AATF: variants seen among roughly 807,000 people sequenced by gnomAD.
AATF encodes the protein protein AATF.
Under a neutral mutation model 63.7 loss-of-function variants are expected in AATF, and 48 were observed. The ratio of observed to expected loss-of-function variants is 0.75; its 90% CI spans 0.60 to 0.96. The LOEUF is 0.96. AATF is among the 40% of genes least tolerant of loss of function. AATF has a pLI of 0.00. For missense variants in AATF, 639 were observed against 685.7 expected (o/e 0.93, Z 0.76); for synonymous variants, 258 against 247.7 (o/e 1.04, Z -0.39).
At chr17:37,013,203 G>T (rs2071404911) in intron 8 of AATF, among the ~76,000 whole-genome samples, 1 of 152,194 alleles carries the variant, frequency 6.6e-6, no homozygotes, top group Admixed American at 6.5e-5. Flanking sequence ...CAAATGGCCA[G>T]TAAGCACAGG....
chr17:37,007,091 G>T (rs1424673851), intron 8 of AATF, among the ~76,000 whole-genome samples: 1 of 152,110 alleles, frequency 6.6e-6, no homozygotes, highest in Non-Finnish European at 1.5e-5. Context: ...TCTTCCCTGT[G>T]TCATTCTGTA....
chr17:37,001,549 A>G (rs183001492), intron 8 of AATF, among the ~76,000 whole-genome samples: 1 of 152,306 alleles, frequency 6.6e-6, no homozygotes, highest in East Asian at 1.9e-4. Context: ...TCAAGAATCA[A>G]TTAATGTATT....
intron 8 of AATF, among the ~76,000 whole-genome samples, chr17:37,000,729 C>G (rs879281378): frequency 2.0e-5 from 3 of 152,014 alleles, no homozygotes; most frequent in Non-Finnish European, 4.4e-5. Context: ...CTGGAACATT[C>G]AAATATTTAT....
intron 10 of AATF, among the ~76,000 whole-genome samples, chr17:37,025,339 T>C (rs2071503042): frequency 6.6e-6 from 1 of 152,210 alleles, no homozygotes; most frequent in Non-Finnish European, 1.5e-5. Flanking sequence ...TATTTATTAG[T>C]TGATAGTTTG....
chr17:37,003,196 CAGA>C (rs1440317766), intron 8 of AATF, among the ~76,000 whole-genome samples: 1 of 152,042 alleles, frequency 6.6e-6, no homozygotes, highest in Non-Finnish European at 1.5e-5. Context: ...ATTCAGTGGG[CAGA>C]AGAACAGTTT....
chr17:37,009,519 C>T (rs2071369098), intron 8 of AATF, among the ~76,000 whole-genome samples: 1 of 151,812 alleles, frequency 6.6e-6, no homozygotes, highest in African/African-American at 2.4e-5. Flanking sequence ...TAATTCTCAT[C>T]CGCTTAAAAC....
At chr17:37,005,140 G>A (rs2071332433) in intron 8 of AATF, among the ~76,000 whole-genome samples, 1 of 149,030 alleles carries the variant, frequency 6.7e-6, no homozygotes, top group Admixed American at 6.6e-5. Flanking sequence ...ACTTTGGGGT[G>A]CTGCCCCAGA....
intron 4 of AATF, among the ~76,000 whole-genome samples, chr17:36,964,586 A>G (rs1286563312): frequency 2.6e-5 from 4 of 152,222 alleles, no homozygotes; most frequent in African/African-American, 9.6e-5. Flanking sequence ...AGGACAGGGA[A>G]GAATTGGAAA....
intron 4 of AATF, 45 bp downstream of exon 4, chr17:36,953,952 C>T: frequency 6.4e-7 from 1 of 1,574,114 alleles, no homozygotes; most frequent in Non-Finnish European, 8.6e-7. Flanking sequence ...ACCACTTTGT[C>T]AAATGAAGAC....
intron 11 of AATF, chr17:37,045,663 CA>C (rs1369595956): frequency 3.3e-5 from 5 of 152,312 alleles, no homozygotes. Flanking sequence ...CTCGGTCCTA[CA>C]GGGGGAAACA....
At chr17:37,039,590 C>A (rs1363055968) in intron 11 of AATF, among the ~76,000 whole-genome samples, 1 of 152,136 alleles carries the variant, frequency 6.6e-6, no homozygotes, top group East Asian at 1.9e-4. Context: ...GGTAGCACCA[C>A]ACGTTTGACC....
intron 4 of AATF, among the ~76,000 whole-genome samples, chr17:36,957,884 G>A (rs1255780997): frequency 2.0e-5 from 3 of 152,094 alleles, no homozygotes; most frequent in African/African-American, 7.2e-5. Context: ...TGAGTACCAT[G>A]CCTTTGTAGC....
In AATF at chr17:37,002,268, A is replaced by G. The variant is rs2071305284; in HGVS notation, c.1398+11411A>G. On this transcript the variant is annotated intron_variant, in intron 8 of 11. Coordinates refer to ENST00000619387, the MANE Select transcript of AATF (RefSeq NM_012138.4). ...ACTACTAGAGCTAATTAATAAATGA[A>G]TTCAGCAAAGTTGTAGGATACAAAA... Among the ~76,000 whole-genome samples, 9 of 152,160 alleles carry G rather than the reference A, an allele frequency of 5.9e-5. No individual in the cohort carries two copies. In the South Asian group the frequency reaches 1.9e-3, roughly 32 times the overall value.
intron 4 of AATF, among the ~76,000 whole-genome samples, chr17:36,958,847 C>A (rs2070923259): frequency 6.6e-6 from 1 of 152,076 alleles, no homozygotes. Flanking sequence ...ACAGTAATTT[C>A]TTAATAAACA....
intron 4 of AATF, among the ~76,000 whole-genome samples, chr17:36,957,664 C>T (rs1242028918): frequency 1.3e-5 from 2 of 152,192 alleles, no homozygotes; most frequent in Non-Finnish European, 2.9e-5. Context: ...GTGACACTAC[C>T]TGTGCTGTTT....
At chr17:36,989,471 G>A (rs769932729) in intron 7 of AATF, 60 bp downstream of exon 7, 68 of 1,481,842 alleles carry the variant, frequency 4.6e-5, no homozygotes, top group Admixed American at 8.2e-5. Context: ...CTTATTAGCT[G>A]AAAAACTTGT....
rs574147263 is a variant in AATF, at chr17:36,966,536, G to A, written c.832+12629G>A. On this transcript the variant is annotated intron_variant, in intron 4 of 11. Transcript: ENST00000619387. ...TCCCGCCTCAGCCTCCCAAAATGCT[G>A]GGATTACAGGTGTGAACCGCCATGC... 2.0e-5 allele frequency among the ~76,000 whole-genome samples: 3 copies of A among 152,252 alleles called. No homozygotes were observed. In the South Asian group the frequency reaches 6.2e-4, roughly 32 times the overall value.
chr17:36,963,343 G>T (rs563227701), intron 4 of AATF, among the ~76,000 whole-genome samples: 1 of 152,096 alleles, frequency 6.6e-6, no homozygotes, highest in Non-Finnish European at 1.5e-5. Flanking sequence ...TGTACAGGAC[G>T]GTCCCTAAAT....
At chr17:37,009,673 C>T (rs150181393) in intron 8 of AATF, among the ~76,000 whole-genome samples, 4,851 of 149,242 alleles carry the variant, frequency 0.033, 276 homozygotes, top group African/African-American at 0.11. Flanking sequence ...AAAAATTAGC[C>T]GGGCGCGGTG....
Sources: allele counts gnomAD v4.1 joint callset (sites outside exome capture counted in the v4.1 genomes callset), GRCh38; gene constraint gnomAD v4.1.1; transcripts MANE v1.5; gene names NCBI Gene and HGNC (gene_info 2026-07-23, HGNC 2026-07-21).